Variants in FAM78A observed in about 807,000 individuals in gnomAD.
FAM78A encodes protein FAM78A.
FAM78A carries 12 observed loss-of-function variants against 22.6 expected under a neutral mutation model. The ratio of observed to expected loss-of-function variants is 0.53; its 90% CI spans 0.34 to 0.86. FAM78A has a LOEUF of 0.86. FAM78A is among the 40% of genes least tolerant of loss of function. The pLI is 0.02. For synonymous variants in FAM78A, 151 were observed against 155.8 expected (o/e 0.97, Z 0.23); for missense variants, 322 against 396.1 (o/e 0.81, Z 1.59).
At chr9:131,266,136 C>T (rs1035808818) in intron 1 of FAM78A, among the ~76,000 whole-genome samples, 6 of 152,114 alleles carry the variant, frequency 3.9e-5, no homozygotes, top group Admixed American at 1.3e-4. Context: ...TGCCCCTTCT[C>T]CTCCTCTGCC....
In FAM78A at chr9:131,260,719, G is replaced by A; in HGVS notation, c.*103C>T. 1 of 1,407,614 alleles carries A rather than the reference G, an allele frequency of 7.1e-7. No individual in the cohort carries two copies. Among genetic ancestry groups the A allele is most frequent in the Non-Finnish European group, 9.5e-7 (1 of 1,055,548 alleles). 87.2% of individuals were successfully genotyped at this position (1,407,614 alleles called of 1,614,324 possible). A position where few individuals can be genotyped will look rare whatever the true frequency, so the allele number is the denominator to read the frequency against. The stretch of plus-strand genomic sequence containing the variant: ...ACAGTGAGATCCGCCCGCTGGAGAG[G>A]GTAGAATGGTTGTATCTTGCTGAAT... On this transcript the variant is annotated 3_prime_UTR_variant, in exon 2 of 2. Coordinates refer to ENST00000372271, the MANE Select transcript of FAM78A (RefSeq NM_033387.4). The surrounding 1 kb of genome is among the most constrained non-coding windows in gnomAD (Gnocchi z 5.4).
At chr9:131,273,454 CAA>C (rs1243882354) in intron 1 of FAM78A, among the ~76,000 whole-genome samples, 1 of 152,216 alleles carries the variant, frequency 6.6e-6, no homozygotes, top group Non-Finnish European at 1.5e-5. Context: ...CTCCCTGCAG[CAA>C]AAGAGGAGTC....
chr9:131,261,496 G>T lies in FAM78A; in HGVS notation c.324-146C>A. 1.5e-6 allele frequency: 1 copy of T among 674,814 alleles called. No individual in the cohort carries two copies. The highest frequency in any genetic ancestry group is 2.4e-6 in the Non-Finnish European group (1 of 411,368). The allele number at this position is 674,814 out of a possible 1,614,324, so 41.8% of individuals were successfully genotyped here. On this transcript the variant is annotated intron_variant, in intron 1 of 1. Coordinates refer to ENST00000372271, the MANE Select transcript of FAM78A (RefSeq NM_033387.4). The surrounding 1 kb of genome is among the most constrained non-coding windows in gnomAD (Gnocchi z 7.1). ...GTCCCCTTTGACGTTCTGGGGGCAG[G>T]GGGTCAGACAGTAGCTCGGAGTCAC...
rs1344296968 is a variant in FAM78A at position 131,259,804 on chromosome 9, C to T, written c.*1018G>A. On this transcript the variant is annotated 3_prime_UTR_variant, in exon 2 of 2. Coordinates refer to ENST00000372271, the MANE Select transcript of FAM78A (RefSeq NM_033387.4). Reference sequence around the variant, plus strand: ...TGGCCGGCCCCCAGGCATTTGGGACCAGTGTGGATGGAGAAGGAAAAAGCC... The same window carrying T: ...TGGCCGGCCCCCAGGCATTTGGGACTAGTGTGGATGGAGAAGGAAAAAGCC... The T allele has an allele frequency of 6.5e-6, 1 of 152,824 alleles. No homozygotes were observed. The highest frequency in any genetic ancestry group is 2.4e-5 in the African/African-American group (1 of 41,470). 9.5% of individuals were successfully genotyped at this position (152,824 alleles called of 1,614,324 possible). A position where few individuals can be genotyped will look rare whatever the true frequency, so the allele number is the denominator to read the frequency against.
At chr9:131,268,377 T>C (rs1289600503) in intron 1 of FAM78A, among the ~76,000 whole-genome samples, 1 of 140,656 alleles carries the variant, frequency 7.1e-6, no homozygotes, top group African/African-American at 2.8e-5. Flanking sequence ...CAGGCCCTGC[T>C]CTCCTGGCCT....
At position 131,275,889 on chromosome 9, in the gene FAM78A, C is replaced by T; in HGVS notation, c.291G>A (p.Met97Ile). The T allele has an allele frequency of 6.2e-7, 1 of 1,608,568 alleles. No homozygotes were observed. Among genetic ancestry groups the T allele is most frequent in the Non-Finnish European group, 8.5e-7 (1 of 1,177,066 alleles). Reference protein sequence around the residue: ...VVGWIQACSHMEFYNQYGEQG... With the variant: ...VVGWIQACSHIEFYNQYGEQG... Reference sequence around the variant, plus strand: ...GCTCGCCGTACTGGTTGTAGAACTCCATGTGGCTGCACGCCTGGATCCAGC... The same window carrying T: ...GCTCGCCGTACTGGTTGTAGAACTCTATGTGGCTGCACGCCTGGATCCAGC... Residue 97 changes from methionine (M) to isoleucine (I), a missense_variant, in exon 1 of 2, where the codon ATG becomes ATA. Transcript: ENST00000372271. This position sits in a 1 kb window ranked among gnomAD's most constrained non-coding sequence, Gnocchi z 4.6.
chr9:131,262,516 T>G lies in FAM78A; in HGVS notation c.324-1166A>C, dbSNP rs113035211. ...AGCACTCCCAACTGGACGCAGTGGCTCACACCTCTAATCCCAGCACTTTGG... is the reference window on the plus strand; with the variant it reads ...AGCACTCCCAACTGGACGCAGTGGCGCACACCTCTAATCCCAGCACTTTGG... On this transcript the variant is annotated intron_variant, in intron 1 of 1. Transcript: ENST00000372271. Among the ~76,000 whole-genome samples, 1,325 of 148,872 alleles carry G rather than the reference T, an allele frequency of 8.9e-3. 33 individuals are homozygous for G. The highest frequency in any genetic ancestry group is 0.025 in the African/African-American group (996 of 40,346).
In FAM78A at chr9:131,265,869, G is replaced by T. The variant is rs780104987; in HGVS notation, c.324-4519C>A. ...CTCCCATCCTCCTAGGGACCCCAAA[G>T]GACAGCAGGCAAGTCCAGGCTGGAA... On this transcript the variant is annotated intron_variant, in intron 1 of 1. Coordinates refer to ENST00000372271, the MANE Select transcript of FAM78A (RefSeq NM_033387.4). This position sits in a 1 kb window ranked among gnomAD's most constrained non-coding sequence, Gnocchi z 4.3. 6.6e-6 allele frequency among the ~76,000 whole-genome samples: 1 copy of T among 152,156 alleles called. No homozygotes were observed. Among genetic ancestry groups the T allele is most frequent in the Non-Finnish European group, 1.5e-5 (1 of 68,018 alleles).
At position 131,275,416 on chromosome 9, in the gene FAM78A, C is replaced by A. The variant is rs529564756; in HGVS notation, c.323+441G>T. ...CCCAATCGCAAAGCCCTGAACACACCGGTCTGGGAGTTGCAGAGTGCCTGA... is the reference window on the plus strand; with the variant it reads ...CCCAATCGCAAAGCCCTGAACACACAGGTCTGGGAGTTGCAGAGTGCCTGA... On this transcript the variant is annotated intron_variant, in intron 1 of 1. Coordinates refer to ENST00000372271, the MANE Select transcript of FAM78A (RefSeq NM_033387.4). The surrounding 1 kb of genome is among the most constrained non-coding windows in gnomAD (Gnocchi z 4.6). Among the ~76,000 whole-genome samples, 16 of 152,240 alleles carry A rather than the reference C, an allele frequency of 1.1e-4. No individual in the cohort carries two copies. The highest frequency in any genetic ancestry group is 3.9e-4 in the African/African-American group (16 of 41,460).
chr9:131,263,173 A>T (rs1835295543), intron 1 of FAM78A, among the ~76,000 whole-genome samples: 1 of 147,776 alleles, frequency 6.8e-6, no homozygotes, highest in Non-Finnish European at 1.5e-5. Flanking sequence ...CAGGAGGCGG[A>T]GGTTGCAGTG....
At chr9:131,277,732 G>A (rs1422084783), upstream of FAM78A, among the ~76,000 whole-genome samples, 1 of 151,240 alleles carries the variant, frequency 6.6e-6, no homozygotes, top group Non-Finnish European at 1.5e-5. This position sits in a 1 kb window ranked among gnomAD's most constrained non-coding sequence, Gnocchi z 8.4. Context: ...GGCTTCGGGG[G>A]GGCGGCCGGG....
At chr9:131,270,032 T>TAAAAAAAAAAAAAA (rs1435340970) in intron 1 of FAM78A, among the ~76,000 whole-genome samples, 1 of 34,098 alleles carries the variant, frequency 2.9e-5, no homozygotes, top group African/African-American at 9.3e-5. Context: ...CCATCCCTAC[T>TAAAAAAAAAAAAAA]AAAATAAAAA....
In FAM78A at chr9:131,260,547, C is replaced by T. The variant is rs890337792; in HGVS notation, c.*275G>A. On this transcript the variant is annotated 3_prime_UTR_variant, in exon 2 of 2. Transcript: ENST00000372271. This position sits in a 1 kb window ranked among gnomAD's most constrained non-coding sequence, Gnocchi z 5.4. ...TTTCAGGGAATCTGTTACAAGTGAG[C>T]GACTGAAACTGAGAAAAAGGAGAGG... 2.2e-5 allele frequency: 8 copies of T among 357,694 alleles called. No homozygotes were observed. Among genetic ancestry groups the T allele is most frequent in the Non-Finnish European group, 2.5e-5 (5 of 200,144 alleles). 22.2% of individuals were successfully genotyped at this position (357,694 alleles called of 1,614,324 possible).
At chr9:131,270,547 C>A (rs1419541193) in intron 1 of FAM78A, 2 of 714,722 alleles carry the variant, frequency 2.8e-6, no homozygotes. Flanking sequence ...GGGGAGCTCT[C>A]TTTAGGCTGG....
intron 1 of FAM78A, among the ~76,000 whole-genome samples, chr9:131,268,148 G>T (rs1035331666): frequency 1.3e-5 from 2 of 152,094 alleles, no homozygotes; most frequent in Non-Finnish European, 2.9e-5. Context: ...CCTCACACAG[G>T]CTGGGCAGGA....
In FAM78A at chr9:131,259,215, G is replaced by A. The variant is rs1440705548; in HGVS notation, c.*1607C>T. The A allele has an allele frequency of 6.5e-6, 1 of 152,828 alleles. No individual in the cohort carries two copies. Among genetic ancestry groups the A allele is most frequent in the Non-Finnish European group, 1.5e-5 (1 of 68,188 alleles). The allele number at this position is 152,828 out of a possible 1,614,324, so 9.5% of individuals were successfully genotyped here. A position where few individuals can be genotyped will look rare whatever the true frequency, so the allele number is the denominator to read the frequency against. On this transcript the variant is annotated 3_prime_UTR_variant, in exon 2 of 2. Coordinates refer to ENST00000372271, the MANE Select transcript of FAM78A (RefSeq NM_033387.4). ...GCAAGCTGGAAGGAGCGTGGCTTCA[G>A]CGGGATGTCCCCTAATAGCCCCTGC...
rs34943494 is a variant in FAM78A at position 131,269,101 on chromosome 9, CAAAAAAAAA to C, written c.323+6747_323+6755del. 4.5e-5 allele frequency among the ~76,000 whole-genome samples: 4 copies of C among 89,830 alleles called. No individual in the cohort carries two copies. The Admixed American group carries it at 4.7e-4, about 11-fold the overall frequency. The allele number at this position is 89,830 out of a possible 152,430, so 58.9% of individuals were successfully genotyped here. ...GGGCGACAAGAACAAAACTTCGTCT[CAAAAAAAAA>C]AAAAAAAAAAAGAAGTGTATCAAGT... On this transcript the variant is annotated intron_variant, in intron 1 of 1. Coordinates refer to ENST00000372271, the MANE Select transcript of FAM78A (RefSeq NM_033387.4).
chr9:131,260,764 G>A lies in FAM78A; in HGVS notation c.*58C>T. 6.7e-7 allele frequency: 1 copy of A among 1,492,458 alleles called. No individual in the cohort carries two copies. The highest frequency in any genetic ancestry group is 8.9e-7 in the Non-Finnish European group (1 of 1,123,006). The allele number at this position is 1,492,458 out of a possible 1,614,324, so 92.5% of individuals were successfully genotyped here. On this transcript the variant is annotated 3_prime_UTR_variant, in exon 2 of 2. Coordinates refer to ENST00000372271, the MANE Select transcript of FAM78A (RefSeq NM_033387.4). This position sits in a 1 kb window ranked among gnomAD's most constrained non-coding sequence, Gnocchi z 5.4. ...CTGAATGACTGAAGAGTGAGTCTGA[G>A]TTTTGTTTTCAGCGGTATTATTATT... is the stretch of plus-strand genomic sequence containing the variant.
In FAM78A at chr9:131,274,196, T is replaced by C. The variant is rs1274465496; in HGVS notation, c.323+1661A>G. ...AGGCCTGTGGCCTCCCCACCACACG[T>C]TGCACCAACCACATTAGCATCCAGT... On this transcript the variant is annotated intron_variant, in intron 1 of 1. Coordinates refer to ENST00000372271, the MANE Select transcript of FAM78A (RefSeq NM_033387.4). The surrounding 1 kb of genome is among the most constrained non-coding windows in gnomAD (Gnocchi z 4.2). Among the ~76,000 whole-genome samples the C allele has an allele frequency of 6.6e-6, 1 of 152,230 alleles. No homozygotes were observed.
Sources: gnomAD v4.1 joint callset for allele counts (sites outside exome capture counted in the v4.1 genomes callset) on GRCh38, gnomAD v4.1.1 for gene constraint, Gnocchi (gnomAD v3.1) non-coding constraint, MANE v1.5 for transcripts, NCBI Gene and HGNC (gene_info 2026-07-23, HGNC 2026-07-21) for gene names.